Variants in RBFOX1 observed in about 807,000 individuals in gnomAD.
RBFOX1 encodes RNA binding protein fox-1 homolog 1.
Under a neutral mutation model 57.7 loss-of-function variants are expected in RBFOX1, and 8 were observed. The ratio of observed to expected loss-of-function variants is 0.14; its 90% CI spans 0.08 to 0.25. RBFOX1 has a LOEUF of 0.25. RBFOX1 is among the 10% of genes least tolerant of loss of function. The pLI is 1.00. For missense variants in RBFOX1, 611 were observed against 548.5 expected, an observed-to-expected ratio of 1.11 and a Z score of -1.14; for synonymous variants, 326 against 222.4, an observed-to-expected ratio of 1.47 and a Z score of -4.15.
intron 1 of RBFOX1, among the ~76,000 whole-genome samples, chr16:6,292,111 G>T (rs1306872795): frequency 6.6e-6 from 1 of 152,130 alleles, no homozygotes; most frequent in African/African-American, 2.4e-5. Flanking sequence ...AAAGAAACTA[G>T]AAGCCAGGCA....
chr16:7,520,339 T>TGA (rs1438304013), intron 5 of RBFOX1, among the ~76,000 whole-genome samples: 3 of 152,190 alleles, frequency 2.0e-5, no homozygotes, highest in African/African-American at 7.2e-5. Context: ...ATTCACAATG[T>TGA]AGTGCAAAAC....
At chr16:6,142,526 A>C (rs754338094) in intron 1 of RBFOX1, among the ~76,000 whole-genome samples, 4 of 152,092 alleles carry the variant, frequency 2.6e-5, no homozygotes, top group Non-Finnish European at 5.9e-5. Flanking sequence ...TGGCCAAAAA[A>C]ATCCAACTCT....
At position 6,779,851 on chromosome 16, in the gene RBFOX1, TTATATATA is replaced by T. The variant is rs1229282812; in HGVS notation, c.-16+125203_-16+125210del. 9.0e-5 allele frequency among the ~76,000 whole-genome samples: 2 copies of T among 22,272 alleles called. 1 individual carries two copies. Among genetic ancestry groups the T allele is most frequent in the African/African-American group, 3.9e-4 (2 of 5,092 alleles). The allele number at this position is 22,272 out of a possible 152,430, so 14.6% of individuals were successfully genotyped here. ...TATTTTTATATATTTATATATATAT[TTATATATA>T]TTTATATATTTATATATATTTATAT... On this transcript the variant is annotated intron_variant, in intron 3 of 15. Transcript: ENST00000550418.
intron 4 of RBFOX1, among the ~76,000 whole-genome samples, chr16:7,127,890 A>T (rs991524019): frequency 8.5e-5 from 13 of 152,218 alleles, no homozygotes; most frequent in African/African-American, 3.1e-4. Flanking sequence ...GTTGCAAGCA[A>T]CAGAGTCACA....
chr16:6,667,645 C>T (rs1028581689), intron 3 of RBFOX1, among the ~76,000 whole-genome samples: 1 of 152,034 alleles, frequency 6.6e-6, no homozygotes, highest in Non-Finnish European at 1.5e-5. Context: ...GCTTTTTGGA[C>T]ACAAGTGGGA....
At chr16:6,253,991 A>G (rs920411926) in intron 1 of RBFOX1, among the ~76,000 whole-genome samples, 1 of 152,130 alleles carries the variant, frequency 6.6e-6, no homozygotes, top group Non-Finnish European at 1.5e-5. Flanking sequence ...GAACCAGGGA[A>G]CAAAGGTTCC....
At chr16:6,866,257 T>C (rs909735490) in intron 3 of RBFOX1, among the ~76,000 whole-genome samples, 1 of 152,148 alleles carries the variant, frequency 6.6e-6, no homozygotes, top group African/African-American at 2.4e-5. Context: ...TAAACTACTT[T>C]CCTACCACTT....
At chr16:5,662,916 C>A (rs1383552355) in intron 3 of RBFOX1, among the ~76,000 whole-genome samples, 4 of 152,172 alleles carry the variant, frequency 2.6e-5, no homozygotes, top group African/African-American at 7.2e-5. Flanking sequence ...TATCATGTAG[C>A]TGGGATAGTG....
intron 3 of RBFOX1, among the ~76,000 whole-genome samples, chr16:7,051,594 G>C (rs926807841): frequency 6.6e-6 from 1 of 152,204 alleles, no homozygotes; most frequent in East Asian, 1.9e-4. Flanking sequence ...ATGTAACCCA[G>C]TTGCCAAGGC....
intron 1 of RBFOX1, among the ~76,000 whole-genome samples, chr16:5,313,862 C>G (rs1480884834): frequency 6.9e-6 from 1 of 145,892 alleles, no homozygotes; most frequent in Non-Finnish European, 1.5e-5. Flanking sequence ...ACAGCCAAAC[C>G]ATTTCAAAGA....
chr16:5,782,611 C>G (rs2054360432), intron 3 of RBFOX1, among the ~76,000 whole-genome samples: 1 of 152,156 alleles, frequency 6.6e-6, no homozygotes, highest in Non-Finnish European at 1.5e-5. Flanking sequence ...TGTTAGGGTT[C>G]TCCAGGGAAA....
intron 1 of RBFOX1, among the ~76,000 whole-genome samples, chr16:5,357,943 T>TA (rs1173516888): frequency 6.6e-6 from 1 of 152,234 alleles, no homozygotes; most frequent in Non-Finnish European, 1.5e-5. Flanking sequence ...TGGAATACAT[T>TA]AAAAATTGCT....
intron 3 of RBFOX1, among the ~76,000 whole-genome samples, chr16:5,778,756 C>G (rs533935645): frequency 6.6e-6 from 1 of 152,202 alleles, no homozygotes; most frequent in African/African-American, 2.4e-5. Flanking sequence ...AGAGTTTTCC[C>G]CTAGTTTGAG....
chr16:6,773,363 TTTG>T (rs2078745773), intron 3 of RBFOX1, among the ~76,000 whole-genome samples: 1 of 147,564 alleles, frequency 6.8e-6, no homozygotes, highest in South Asian at 2.2e-4. Context: ...ATGGGGTGCA[TTTG>T]TGTGTGTGTG....
chr16:6,538,130 C>G (rs1057099346), intron 2 of RBFOX1, among the ~76,000 whole-genome samples: 20 of 152,066 alleles, frequency 1.3e-4, no homozygotes, highest in African/African-American at 4.6e-4. Context: ...ATTAGATTCA[C>G]AATGCTGTGC....
intron 1 of RBFOX1, among the ~76,000 whole-genome samples, chr16:6,239,217 G>T (rs1385342153): frequency 6.6e-6 from 1 of 152,088 alleles, no homozygotes; most frequent in Non-Finnish European, 1.5e-5. Context: ...GTCACTAAAT[G>T]ATGGTCATCT....
chr16:5,266,239 G>C (rs997073752), intron 1 of RBFOX1, among the ~76,000 whole-genome samples: 1 of 152,152 alleles, frequency 6.6e-6, no homozygotes, highest in African/African-American at 2.4e-5. Context: ...TTGTATGTGT[G>C]GGGGTTCCCT....
At chr16:6,618,550 C>G (rs1310305627) in intron 2 of RBFOX1, among the ~76,000 whole-genome samples, 1 of 152,160 alleles carries the variant, frequency 6.6e-6, no homozygotes, top group Admixed American at 6.5e-5. Flanking sequence ...ATAAAAGTCT[C>G]TGGAACAAAT....
chr16:6,914,184 A>T (rs1350963186), intron 3 of RBFOX1, among the ~76,000 whole-genome samples: 1 of 152,146 alleles, frequency 6.6e-6, no homozygotes, highest in Non-Finnish European at 1.5e-5. Context: ...CCAGATCATC[A>T]TTTCCTTCTA....
Sources: allele counts gnomAD v4.1 joint callset (sites outside exome capture counted in the v4.1 genomes callset), GRCh38; gene constraint gnomAD v4.1.1; transcripts MANE v1.5; gene names NCBI Gene and HGNC (gene_info 2026-07-23, HGNC 2026-07-21).